The following MYT1L variants were observed in gnomAD, a reference collection of about 807,000 sequenced individuals.
The protein encoded by MYT1L is myelin transcription factor 1 like.
A neutral mutation model predicts 126.7 loss-of-function variants in MYT1L; 12 were observed. That is an observed-to-expected ratio of 0.09 (90% CI 0.06 to 0.15). The LOEUF (loss-of-function observed/expected upper bound fraction) is 0.15, where lower values mean the gene tolerates loss of function less well. Among genes scored for constraint, MYT1L ranks in the 10% least tolerant of loss-of-function variants. The pLI is 1.00. For missense variants in MYT1L, 979 were observed against 1,585.2 expected, an observed-to-expected ratio of 0.62 and a Z score of 6.49; for synonymous variants, 541 against 604.2, an observed-to-expected ratio of 0.90 and a Z score of 1.53.
In MYT1L at chr2:2,228,712, A is replaced by G. The variant is rs1258560696; in HGVS notation, c.-421+55692T>C. Among the ~76,000 whole-genome samples, 5 of 152,200 alleles carry G rather than the reference A, an allele frequency of 3.3e-5. No homozygotes were observed. The highest frequency in any genetic ancestry group is 1.3e-4 in the Admixed American group (2 of 15,284). On this transcript the variant is annotated intron_variant, in intron 2 of 24. Transcript: ENST00000647738. This position sits in a 1 kb window ranked among gnomAD's most constrained non-coding sequence, Gnocchi z 5.9. ...GGTATAAAAAGGTTTCAACCTTAAT[A>G]TTACAGAGAAGAGCTATAAATACAC...
intron 1 of MYT1L, among the ~76,000 whole-genome samples, chr2:2,295,515 G>A (rs571893859): frequency 1.1e-4 from 17 of 151,502 alleles, no homozygotes; most frequent in African/African-American, 3.9e-4. Context: ...GGGGGTGGGG[G>A]CAGAGGAGGT....
intron 3 of MYT1L, among the ~76,000 whole-genome samples, chr2:2,081,718 A>T (rs1323252647): frequency 4.6e-5 from 7 of 152,040 alleles, no homozygotes; most frequent in African/African-American, 1.2e-4. Context: ...TACCTTAGTT[A>T]GTTTATTTAT....
chr2:2,047,388 AAGAC>A lies in MYT1L; in HGVS notation c.-158+6586_-158+6589del, dbSNP rs1462328987. Among the ~76,000 whole-genome samples, 7 of 152,224 alleles carry A rather than the reference AAGAC, an allele frequency of 4.6e-5. No individual in the cohort carries two copies. The East Asian group carries it at 5.8e-4, about 13-fold the overall frequency. ...CTGGTCAAATTAGAATTTTGTCCAC[AAGAC>A]TAATGAAAATGATACATCTGCGAAT... On this transcript the variant is annotated intron_variant, in intron 4 of 24. Coordinates refer to ENST00000647738, the MANE Select transcript of MYT1L (RefSeq NM_001303052.2).
intron 4 of MYT1L, among the ~76,000 whole-genome samples, chr2:2,026,714 C>G (rs979009521): frequency 6.6e-6 from 1 of 152,120 alleles, no homozygotes; most frequent in African/African-American, 2.4e-5. Context: ...GTACAGGGAA[C>G]CTCTCCGTCC....
At chr2:2,229,058 T>C (rs1470575626) in intron 2 of MYT1L, among the ~76,000 whole-genome samples, 1 of 152,174 alleles carries the variant, frequency 6.6e-6, no homozygotes, top group Non-Finnish European at 1.5e-5. Flanking sequence ...CCTTTACAAA[T>C]GTATCACTCT....
At chr2:1,956,556 CCT>C (rs2058463670) in intron 8 of MYT1L, among the ~76,000 whole-genome samples, 2 of 140,890 alleles carry the variant, frequency 1.4e-5, no homozygotes, top group African/African-American at 5.3e-5. Flanking sequence ...TATCATCTAT[CCT>C]ATTCTATATT....
At chr2:1,891,778 A>G (rs139419310) in intron 15 of MYT1L, among the ~76,000 whole-genome samples, 1 of 152,262 alleles carries the variant, frequency 6.6e-6, no homozygotes, top group East Asian at 1.9e-4. Context: ...TCCTGGAGAG[A>G]AGGATCCATT....
chr2:2,144,208 T>C (rs1297681328), intron 3 of MYT1L, among the ~76,000 whole-genome samples: 1 of 151,298 alleles, frequency 6.6e-6, no homozygotes, highest in Non-Finnish European at 1.5e-5. Flanking sequence ...GTGGGGGAGG[T>C]TTTGTCCCCC....
intron 23 of MYT1L, among the ~76,000 whole-genome samples, chr2:1,798,321 G>A (rs1027304743): frequency 2.0e-5 from 3 of 152,206 alleles, no homozygotes; most frequent in Non-Finnish European, 4.4e-5. Context: ...CTTGGACGGA[G>A]TTTCCTTTTT....
Position 2,279,560 on chromosome 2 carries a change from T to TGAAG in MYT1L, c.-421+4843_-421+4844insCTTC, listed in dbSNP as rs1249876476. Among the ~76,000 whole-genome samples, 158 of 56,936 alleles carry TGAAG rather than the reference T, an allele frequency of 2.8e-3. 1 individual carries two copies. The highest frequency in any genetic ancestry group is 0.01 in the African/African-American group (149 of 14,336). The allele number at this position is 56,936 out of a possible 152,430, so 37.4% of individuals were successfully genotyped here. A position where few individuals can be genotyped will look rare whatever the true frequency, so the allele number is the denominator to read the frequency against. ...AGGAGAGAGAGAAAGAGAGAAGGAA[T>TGAAG]GAATGAATGAAGGAAGGAAGGAAGG... On this transcript the variant is annotated intron_variant, in intron 2 of 24. Coordinates refer to ENST00000647738, the MANE Select transcript of MYT1L (RefSeq NM_001303052.2).
intron 19 of MYT1L, among the ~76,000 whole-genome samples, chr2:1,847,483 C>T (rs34675153): frequency 4.6e-5 from 7 of 151,826 alleles, no homozygotes; most frequent in Admixed American, 4.6e-4. Context: ...GGGACGGCTG[C>T]GCAGAGAGAA....
rs1429757427 is a variant in MYT1L, at chr2:1,917,332, T to C, written c.1491A>G (p.Ser497=). 1 of 1,609,962 alleles carries C rather than the reference T, an allele frequency of 6.2e-7. No homozygotes were observed. Among genetic ancestry groups the C allele is most frequent in the Non-Finnish European group, 8.5e-7 (1 of 1,177,220 alleles). Reference sequence around the variant, plus strand: ...ACTTGCTCTCTTTCTTTTCTGTTCTTGAGGGATCTAAAAGCGACAACAGGT... The same window carrying C: ...ACTTGCTCTCTTTCTTTTCTGTTCTCGAGGGATCTAAAAGCGACAACAGGT... ...VKKPYYGKDP[S]RTEKKESKCP... Residue 497 remains serine, a synonymous_variant, in exon 11 of 25, where the codon TCA becomes TCG. Coordinates refer to ENST00000647738, the MANE Select transcript of MYT1L (RefSeq NM_001303052.2). This position sits in a 1 kb window ranked among gnomAD's most constrained non-coding sequence, Gnocchi z 5.9.
intron 21 of MYT1L, among the ~76,000 whole-genome samples, chr2:1,813,633 C>T (rs1399203436): frequency 6.6e-6 from 1 of 152,106 alleles, no homozygotes; most frequent in Non-Finnish European, 1.5e-5. Flanking sequence ...GAGAACTGCG[C>T]CTGCGAGGGG....
At chr2:1,863,191 T>C (rs1358057617) in intron 18 of MYT1L, among the ~76,000 whole-genome samples, 1 of 152,142 alleles carries the variant, frequency 6.6e-6, no homozygotes, top group Non-Finnish European at 1.5e-5. Context: ...ATTGGGTGCC[T>C]TAACCAAAGA....
intron 3 of MYT1L, among the ~76,000 whole-genome samples, chr2:2,069,839 T>G (rs1353439014): frequency 1.3e-5 from 2 of 151,996 alleles, no homozygotes; most frequent in Non-Finnish European, 2.9e-5. Context: ...TGAGCTTTTT[T>G]TGGTATGTTT....
chr2:2,216,857 C>T (rs1171237310), intron 2 of MYT1L, among the ~76,000 whole-genome samples: 3 of 151,820 alleles, frequency 2.0e-5, no homozygotes, highest in Non-Finnish European at 4.4e-5. Flanking sequence ...AATAGTGAGC[C>T]TACACTTACT....
At chr2:2,202,603 C>T (rs1459005764) in intron 2 of MYT1L, among the ~76,000 whole-genome samples, 1 of 152,196 alleles carries the variant, frequency 6.6e-6, no homozygotes, top group Non-Finnish European at 1.5e-5. Context: ...AGACCAATAA[C>T]AGGCTCTGAA....
intron 3 of MYT1L, among the ~76,000 whole-genome samples, chr2:2,141,589 T>A (rs2083984030): frequency 6.6e-6 from 1 of 152,202 alleles, no homozygotes; most frequent in African/African-American, 2.4e-5. Context: ...GGTGCACTAA[T>A]TAAACCTCTC....
chr2:2,060,862 CCTTT>C (rs1326158961), intron 3 of MYT1L, among the ~76,000 whole-genome samples: 1 of 148,912 alleles, frequency 6.7e-6, no homozygotes, highest in Non-Finnish European at 1.5e-5. Context: ...CTCTCTCCTT[CCTTT>C]TTTTTGGTTC....
Sources: gnomAD v4.1 joint callset for allele counts (sites outside exome capture counted in the v4.1 genomes callset) on GRCh38, gnomAD v4.1.1 for gene constraint, Gnocchi (gnomAD v3.1) non-coding constraint, MANE v1.5 for transcripts, NCBI Gene and HGNC (gene_info 2026-07-23, HGNC 2026-07-21) for gene names.